CYP27C1: variants seen among roughly 807,000 people sequenced by gnomAD.
The protein encoded by CYP27C1 is cytochrome P450 27C1.
Under a neutral mutation model 40.6 loss-of-function variants are expected in CYP27C1, and 29 were observed. That is an observed-to-expected ratio of 0.71 (90% CI 0.53 to 0.97). The LOEUF is 0.97. Ranked by LOEUF, CYP27C1 falls within the 50% of genes least tolerant of loss-of-function variation. CYP27C1 has a pLI of 0.00. For synonymous variants in CYP27C1, 198 were observed against 186.8 expected (o/e 1.06, Z -0.49); for missense variants, 390 against 485.8 (o/e 0.80, Z 1.85).
In CYP27C1 at chr2:127,193,152, AC is replaced by A; in HGVS notation, c.1438del (p.Val480PhefsTer5). The A allele has an allele frequency of 6.2e-7, 1 of 1,614,082 alleles. No homozygotes were observed. The highest frequency in any genetic ancestry group is 8.5e-7 in the Non-Finnish European group (1 of 1,180,006). On this transcript the variant is annotated frameshift_variant, in exon 8 of 9. Transcript: ENST00000664447. LOFTEE classifies it high-confidence loss of function. ...AATTCTCCGCCCTATGCAGCTGCGA[AC>A]CCCATGACCAAAGGGGATGGATCCA... ...NFGSIPFGHGVRSCIGRRIAE... is the reference protein window; with the variant it reads ...NFGSIPFGHGXRSCIGRRIAE...
In CYP27C1 at chr2:127,193,877, A is replaced by C. The variant is rs760258879; in HGVS notation, c.1215-10T>G. On this transcript the variant is annotated splice_polypyrimidine_tract_variant and intron_variant, in intron 6 of 8. Coordinates refer to ENST00000664447, the MANE Select transcript of CYP27C1 (RefSeq NM_001367502.1). ...CAGCACTGGAAACAGCCTGGAAAAG[A>C]GCCAGCGGGGACGGGAATGGCGTGG... is the stretch of plus-strand genomic sequence containing the variant. 6 of 1,614,044 alleles carry C rather than the reference A, an allele frequency of 3.7e-6. No homozygotes were observed. Among genetic ancestry groups the C allele is most frequent in the Non-Finnish European group, 5.1e-6 (6 of 1,180,022 alleles).
intron 1 of CYP27C1, among the ~76,000 whole-genome samples, chr2:127,216,145 G>A (rs531032755): frequency 1.4e-4 from 21 of 152,244 alleles, no homozygotes; most frequent in Non-Finnish European, 2.6e-4. Context: ...TCTTCAAAAG[G>A]TTAAATATAG....
intron 2 of CYP27C1, among the ~76,000 whole-genome samples, chr2:127,204,624 A>AGAAG (rs1683183569): frequency 1.1e-5 from 1 of 92,768 alleles, no homozygotes; most frequent in African/African-American, 4.4e-5. Context: ...AAAGAAAGAA[A>AGAAG]GAAGACTGCA....
At position 127,208,568 on chromosome 2, in the gene CYP27C1, G is replaced by A. The variant is rs770365581; in HGVS notation, c.283-2478C>T. Among the ~76,000 whole-genome samples, 1 of 152,204 alleles carries A rather than the reference G, an allele frequency of 6.6e-6. No individual in the cohort carries two copies. Among genetic ancestry groups the A allele is most frequent in the Non-Finnish European group, 1.5e-5 (1 of 68,028 alleles). ...TGAGCTCCTTGGGGGAGGGGCAGCAGCCAGCACTGGGACTCACAACTGCCA... is the reference window on the plus strand; with the variant it reads ...TGAGCTCCTTGGGGGAGGGGCAGCAACCAGCACTGGGACTCACAACTGCCA... On this transcript the variant is annotated intron_variant, in intron 1 of 8. Transcript: ENST00000664447. The surrounding 1 kb of genome is among the most constrained non-coding windows in gnomAD (Gnocchi z 5.2).
intron 2 of CYP27C1, among the ~76,000 whole-genome samples, chr2:127,204,626 A>AAAGAAAGAAAGAAAGAAAGAAAGAC (rs200607857): frequency 7.7e-5 from 3 of 38,912 alleles, no homozygotes; most frequent in Admixed American, 3.3e-4. Context: ...AGAAAGAAAG[A>AAAGAAAGAAAGAAAGAAAGAAAGAC]AGACTGCAGC....
chr2:127,205,896 T>A lies in CYP27C1; in HGVS notation c.473+4A>T. 1 of 304,616 alleles carries A rather than the reference T, an allele frequency of 3.3e-6. No individual in the cohort carries two copies. Among genetic ancestry groups the A allele is most frequent in the Non-Finnish European group, 4.8e-6 (1 of 207,320 alleles). The allele number at this position is 304,616 out of a possible 1,614,324, so 18.9% of individuals were successfully genotyped here. ...CGTGGCTCAGCCCGGGCCCACATAC[T>A]CACGCCGAGATGAGCCCGGTGGCTC... On this transcript the variant is annotated splice_donor_region_variant and intron_variant, in intron 2 of 8. Coordinates refer to ENST00000664447, the MANE Select transcript of CYP27C1 (RefSeq NM_001367502.1).
intron 8 of CYP27C1, among the ~76,000 whole-genome samples, chr2:127,190,481 T>G (rs1194675117): frequency 6.6e-6 from 1 of 150,416 alleles, no homozygotes; most frequent in African/African-American, 2.4e-5. Flanking sequence ...TAGCTGTGAT[T>G]ATAGGCACCC....
intron 1 of CYP27C1, among the ~76,000 whole-genome samples, chr2:127,217,854 G>A (rs181066595): frequency 6.6e-6 from 1 of 152,172 alleles, no homozygotes; most frequent in East Asian, 1.9e-4. Flanking sequence ...CCTGGAGAGC[G>A]GGAAGAGAGG....
rs1334180677 is a variant in CYP27C1 at position 127,218,725 on chromosome 2, G to A, written c.282+1264C>T. On this transcript the variant is annotated intron_variant, in intron 1 of 8. Coordinates refer to ENST00000664447, the MANE Select transcript of CYP27C1 (RefSeq NM_001367502.1). The surrounding 1 kb of genome is among the most constrained non-coding windows in gnomAD (Gnocchi z 6.0). ...GATGGAGAAGGGTCTCGAAAGACCG[G>A]AACTCTGGGCAGAAGGACAGGCCTG... Among the ~76,000 whole-genome samples the A allele has an allele frequency of 6.6e-6, 1 of 152,212 alleles. No homozygotes were observed. Among genetic ancestry groups the A allele is most frequent in the Non-Finnish European group, 1.5e-5 (1 of 68,034 alleles).
chr2:127,193,442 G>T lies in CYP27C1; in HGVS notation c.1294-145C>A, dbSNP rs772433553. The T allele has an allele frequency of 5.7e-6, 5 of 869,850 alleles. No individual in the cohort carries two copies. The East Asian group carries it at 1.1e-4, about 18-fold the overall frequency. The allele number at this position is 869,850 out of a possible 1,614,324, so 53.9% of individuals were successfully genotyped here. ...TCCACTCACACCCAGGATGGCAGCCGCTCCCCCCTTCCCACTCCACACTGC... is the reference window on the plus strand; with the variant it reads ...TCCACTCACACCCAGGATGGCAGCCTCTCCCCCCTTCCCACTCCACACTGC... On this transcript the variant is annotated intron_variant, in intron 7 of 8. Transcript: ENST00000664447.
intron 8 of CYP27C1, among the ~76,000 whole-genome samples, chr2:127,190,541 C>T (rs1682744050): frequency 6.6e-6 from 1 of 150,704 alleles, no homozygotes. Flanking sequence ...TGGGATTTCA[C>T]ATGTTGGTCA....
At chr2:127,213,833 T>C (rs1278552913) in intron 1 of CYP27C1, among the ~76,000 whole-genome samples, 1 of 151,172 alleles carries the variant, frequency 6.6e-6, no homozygotes, top group Non-Finnish European at 1.5e-5. Flanking sequence ...AATTAAAGAG[T>C]TCCTGCACAG....
chr2:127,190,338 T>C (rs1682737099), intron 8 of CYP27C1, among the ~76,000 whole-genome samples: 1 of 115,086 alleles, frequency 8.7e-6, no homozygotes, highest in South Asian at 2.4e-4. Flanking sequence ...TCTCTTTTTT[T>C]TTTCTTTTTT....
At chr2:127,210,688 G>GAA (rs577475282) in intron 1 of CYP27C1, among the ~76,000 whole-genome samples, 1 of 126,328 alleles carries the variant, frequency 7.9e-6, no homozygotes, top group African/African-American at 2.9e-5. Flanking sequence ...AGTGAAAAGT[G>GAA]AAAAAAAAAA....
intron 1 of CYP27C1, among the ~76,000 whole-genome samples, chr2:127,207,988 A>C (rs1683263877): frequency 6.6e-6 from 1 of 152,250 alleles, no homozygotes; most frequent in African/African-American, 2.4e-5. Context: ...CCTAAAATTC[A>C]TATGAAAATG....
chr2:127,191,168 C>A (rs1323539209), intron 8 of CYP27C1, among the ~76,000 whole-genome samples: 1 of 151,882 alleles, frequency 6.6e-6, no homozygotes, highest in Non-Finnish European at 1.5e-5. Context: ...AATTGCATGA[C>A]CCCAGGAGGC....
rs979889287 is a variant in CYP27C1 at position 127,218,629 on chromosome 2, C to G, written c.282+1360G>C. Among the ~76,000 whole-genome samples the G allele has an allele frequency of 2.6e-5, 4 of 152,166 alleles. No homozygotes were observed. The highest frequency in any genetic ancestry group is 5.9e-5 in the Non-Finnish European group (4 of 68,034). ...AATGAGGGTTGGGGCTTCTCCCTCACGTTCATTGACTGAATGGCTGATGGA... is the reference window on the plus strand; with the variant it reads ...AATGAGGGTTGGGGCTTCTCCCTCAGGTTCATTGACTGAATGGCTGATGGA... On this transcript the variant is annotated intron_variant, in intron 1 of 8. Coordinates refer to ENST00000664447, the MANE Select transcript of CYP27C1 (RefSeq NM_001367502.1). The surrounding 1 kb of genome is among the most constrained non-coding windows in gnomAD (Gnocchi z 6.0).
In CYP27C1 at chr2:127,196,187, C is replaced by T. The variant is rs749863489; in HGVS notation, c.1048-686G>A. On this transcript the variant is annotated intron_variant, in intron 5 of 8. Transcript: ENST00000664447. The surrounding 1 kb of genome is among the most constrained non-coding windows in gnomAD (Gnocchi z 4.5). ...ATGCCATTCTCCTGCCTCAGCCTCC[C>T]GAGTAGCTGGGACTACAGGCGCTCA... Among the ~76,000 whole-genome samples, 3 of 152,042 alleles carry T rather than the reference C, an allele frequency of 2.0e-5. No homozygotes were observed. The highest frequency in any genetic ancestry group is 1.3e-4 in the Admixed American group (2 of 15,270).
At chr2:127,204,296 G>A (rs1334465995) in intron 2 of CYP27C1, among the ~76,000 whole-genome samples, 1 of 95,120 alleles carries the variant, frequency 1.1e-5, no homozygotes, top group Admixed American at 1.4e-4. Flanking sequence ...GAGAGAGAGA[G>A]AGAGAAAAGG....
Sources: allele counts gnomAD v4.1 joint callset (sites outside exome capture counted in the v4.1 genomes callset), GRCh38; gene constraint gnomAD v4.1.1; non-coding constraint Gnocchi (gnomAD v3.1); transcripts MANE v1.5; gene names NCBI Gene and HGNC (gene_info 2026-07-23, HGNC 2026-07-21).